ADAMTS16: variants seen among roughly 807,000 people sequenced by gnomAD.
ADAMTS16 encodes A disintegrin and metalloproteinase with thrombospondin motifs 16.
ADAMTS16 carries 94 observed loss-of-function variants against 145.8 expected under a neutral mutation model. The ratio of observed to expected loss-of-function variants is 0.64; its 90% CI spans 0.55 to 0.77. ADAMTS16 has a LOEUF of 0.77. Among genes scored for constraint, ADAMTS16 ranks in the 30% least tolerant of loss-of-function variants. The probability of loss-of-function intolerance (pLI) is 0.00; values close to 1 mark genes in which losing one functional copy is unlikely to be tolerated. For synonymous variants in ADAMTS16, 659 were observed against 604.3 expected, an observed-to-expected ratio of 1.09 and a Z score of -1.33; for missense variants, 1,585 against 1,591.5, an observed-to-expected ratio of 1.00 and a Z score of 0.07.
chr5:5,156,358 G>A (rs1236684087), intron 3 of ADAMTS16, among the ~76,000 whole-genome samples: 1 of 152,138 alleles, frequency 6.6e-6, no homozygotes, highest in African/African-American at 2.4e-5. Context: ...AAAAATATGT[G>A]CAAAGAATGA....
intron 3 of ADAMTS16, among the ~76,000 whole-genome samples, chr5:5,178,781 G>C (rs546188721): frequency 1.3e-5 from 2 of 152,108 alleles, no homozygotes; most frequent in Non-Finnish European, 2.9e-5. Flanking sequence ...TTGAGCCTGG[G>C]GGAAAGGAGA....
At chr5:5,232,130 A>AT (rs1486992557) in intron 11 of ADAMTS16, among the ~76,000 whole-genome samples, 10 of 151,932 alleles carry the variant, frequency 6.6e-5, no homozygotes, top group African/African-American at 2.2e-4. Context: ...TTTGAAAATG[A>AT]TTTTTCTATT....
chr5:5,146,542 A>G (rs1734302495), intron 3 of ADAMTS16, 87 bp downstream of exon 3: 6 of 1,355,266 alleles, frequency 4.4e-6, no homozygotes, highest in Non-Finnish European at 5.0e-6. Context: ...TCGATTTCGC[A>G]TAGATGTTCT....
At chr5:5,242,255 C>T (rs551549227) in intron 17 of ADAMTS16, 64 bp downstream of exon 17, 158 of 1,580,720 alleles carry the variant, frequency 1.0e-4, no homozygotes, top group Non-Finnish European at 1.7e-5. Context: ...GCGTACATTG[C>T]ACTGGCCTTT....
intron 3 of ADAMTS16, among the ~76,000 whole-genome samples, chr5:5,175,739 T>C (rs1350520004): frequency 6.6e-6 from 1 of 152,212 alleles, no homozygotes; most frequent in Admixed American, 6.5e-5. Context: ...ATGTTCCGTC[T>C]GTGGGTGTCG....
At chr5:5,289,259 T>C (rs1032584726) in intron 18 of ADAMTS16, among the ~76,000 whole-genome samples, 4 of 152,242 alleles carry the variant, frequency 2.6e-5, no homozygotes, top group African/African-American at 7.2e-5. Context: ...GGGGCACTGA[T>C]TCTGCGTGGC....
chr5:5,181,368 G>A (rs1309500633), intron 3 of ADAMTS16, among the ~76,000 whole-genome samples: 1 of 151,944 alleles, frequency 6.6e-6, no homozygotes, highest in East Asian at 1.9e-4. Context: ...CACCCTAAAA[G>A]GTAAAAAAGC....
intron 16 of ADAMTS16, among the ~76,000 whole-genome samples, 159 bp from the exon 17 acceptor site, chr5:5,241,894 A>G (rs1424816407): frequency 6.6e-6 from 1 of 152,182 alleles, no homozygotes; most frequent in Non-Finnish European, 1.5e-5. Context: ...AGGGTTCAGA[A>G]ATTTTATGTA....
chr5:5,208,994 A>G, intron 9 of ADAMTS16, 99 bp from the exon 10 acceptor site: 1 of 1,350,916 alleles, frequency 7.4e-7, no homozygotes, highest in South Asian at 1.5e-5. Context: ...TACACAATAT[A>G]TGTTGTAAAA....
intron 18 of ADAMTS16, among the ~76,000 whole-genome samples, chr5:5,291,778 CCTGGCTATAA>C (rs1244373284): frequency 6.6e-6 from 1 of 152,008 alleles, no homozygotes; most frequent in African/African-American, 2.4e-5. Context: ...CCTGTTGGTG[CCTGGCTATAA>C]CTTTATGGAT....
At chr5:5,188,584 C>T (rs1429170993) in intron 6 of ADAMTS16, among the ~76,000 whole-genome samples, 2 of 152,212 alleles carry the variant, frequency 1.3e-5, no homozygotes, top group Non-Finnish European at 2.9e-5. Context: ...AGAGCCCAGC[C>T]TCAGCTCCAC....
intron 12 of ADAMTS16, among the ~76,000 whole-genome samples, chr5:5,232,777 A>G (rs1448917564): frequency 6.6e-6 from 1 of 151,176 alleles, no homozygotes; most frequent in African/African-American, 2.4e-5. Context: ...TAATTTTTGT[A>G]TTTCTAGTAG....
intron 6 of ADAMTS16, among the ~76,000 whole-genome samples, chr5:5,188,190 T>C (rs1735562605): frequency 1.3e-5 from 2 of 152,196 alleles, no homozygotes; most frequent in Non-Finnish European, 2.9e-5. Context: ...AGAGTATAAA[T>C]GTTTTGTGGT....
chr5:5,311,312 A>C lies in ADAMTS16; in HGVS notation c.3411+4584A>C, dbSNP rs1286493022. Among the ~76,000 whole-genome samples the C allele has an allele frequency of 8.6e-3, 852 of 99,132 alleles. 11 individuals are homozygous for C. The highest frequency in any genetic ancestry group is 0.021 in the Admixed American group (199 of 9,420). 65.0% of individuals were successfully genotyped at this position (99,132 alleles called of 152,430 possible). Reference sequence around the variant, plus strand: ...AGTTTGACATAGGCAAAAAAAAAAAAAAAAACAAAAAAACAAAAAAACATT... The same window carrying C: ...AGTTTGACATAGGCAAAAAAAAAAACAAAAACAAAAAAACAAAAAAACATT... On this transcript the variant is annotated intron_variant, in intron 21 of 22. Transcript: ENST00000274181.
intron 3 of ADAMTS16, among the ~76,000 whole-genome samples, chr5:5,176,521 G>GCT (rs1735200379): frequency 6.6e-6 from 1 of 151,990 alleles, no homozygotes; most frequent in Admixed American, 6.6e-5. Flanking sequence ...AAATATGAGA[G>GCT]CTCTTCATGC....
chr5:5,233,584 A>G (rs911865655), intron 12 of ADAMTS16, among the ~76,000 whole-genome samples: 1 of 152,176 alleles, frequency 6.6e-6, no homozygotes, highest in African/African-American at 2.4e-5. Context: ...AAGTGAGAAC[A>G]TGCGGTATTT....
At chr5:5,196,237 CAAAAA>C (rs10680781) in intron 8 of ADAMTS16, among the ~76,000 whole-genome samples, 1 of 95,088 alleles carries the variant, frequency 1.1e-5, no homozygotes, top group African/African-American at 4.3e-5. Flanking sequence ...GCCTCCATCT[CAAAAA>C]AAAAAAAAAA....
chr5:5,289,962 G>A lies in ADAMTS16; in HGVS notation c.2790-13306G>A, dbSNP rs558707108. Among the ~76,000 whole-genome samples, 13 of 152,324 alleles carry A rather than the reference G, an allele frequency of 8.5e-5. 1 individual carries two copies. The South Asian group carries it at 2.7e-3, about 32-fold the overall frequency. ...GGCAAAATAGCAGTGTTAATGGCATGGCAGCCAAGAATTTCCAAGCAGTTC... is the reference window on the plus strand; with the variant it reads ...GGCAAAATAGCAGTGTTAATGGCATAGCAGCCAAGAATTTCCAAGCAGTTC... On this transcript the variant is annotated intron_variant, in intron 18 of 22. Transcript: ENST00000274181.
chr5:5,154,069 T>C (rs903732190), intron 3 of ADAMTS16, among the ~76,000 whole-genome samples: 1 of 152,180 alleles, frequency 6.6e-6, no homozygotes, highest in Admixed American at 6.5e-5. Flanking sequence ...CCTAGGAAAC[T>C]GTCTGAAATG....
Sources: allele counts gnomAD v4.1 joint callset (sites outside exome capture counted in the v4.1 genomes callset), GRCh38; gene constraint gnomAD v4.1.1; transcripts MANE v1.5; gene names NCBI Gene and HGNC (gene_info 2026-07-23, HGNC 2026-07-21).